ITGBL1: variants seen among roughly 807,000 people sequenced by gnomAD.
ITGBL1 encodes the protein integrin beta-like protein 1.
Under a neutral mutation model 68.5 loss-of-function variants are expected in ITGBL1, and 51 were observed. The observed-to-expected ratio is 0.74, with a 90% CI of 0.59 to 0.94. The LOEUF is 0.94. Among genes scored for constraint, ITGBL1 ranks in the 40% least tolerant of loss-of-function variants. The pLI, the probability that ITGBL1 is intolerant of heterozygous loss-of-function variation, is 0.00. For missense variants in ITGBL1, 649 were observed against 647.4 expected, an observed-to-expected ratio of 1.00 and a Z score of -0.03; for synonymous variants, 209 against 227.3, an observed-to-expected ratio of 0.92 and a Z score of 0.72.
At chr13:101,453,635 C>T (rs941566346) in intron 1 of ITGBL1, among the ~76,000 whole-genome samples, 5 of 152,174 alleles carry the variant, frequency 3.3e-5, no homozygotes, top group African/African-American at 9.7e-5. Context: ...GACCTGTGTC[C>T]GGGGGCAGGT....
chr13:101,517,367 A>G (rs1044489427), intron 2 of ITGBL1, among the ~76,000 whole-genome samples: 4 of 152,216 alleles, frequency 2.6e-5, no homozygotes, highest in African/African-American at 9.6e-5. Context: ...AAAATAAAAT[A>G]TAAAATTTAA....
intron 7 of ITGBL1, among the ~76,000 whole-genome samples, chr13:101,610,727 A>G (rs138051039): frequency 1.4e-4 from 21 of 152,254 alleles, no homozygotes; most frequent in African/African-American, 4.8e-4. Context: ...AGCCTGAAAT[A>G]TTTCTCATGC....
intron 3 of ITGBL1, among the ~76,000 whole-genome samples, chr13:101,572,856 C>G (rs1283798667): frequency 2.0e-5 from 3 of 151,972 alleles, no homozygotes; most frequent in Non-Finnish European, 2.9e-5. Context: ...CAGTCCTAAC[C>G]AAGTGACTTC....
chr13:101,605,812 A>G (rs1214476910), intron 7 of ITGBL1, among the ~76,000 whole-genome samples: 4 of 151,042 alleles, frequency 2.6e-5, no homozygotes, highest in African/African-American at 9.7e-5. Flanking sequence ...GTGTGTAGAC[A>G]TGTATGTGCA....
At chr13:101,467,716 G>T (rs1255876288) in intron 2 of ITGBL1, among the ~76,000 whole-genome samples, 2 of 152,074 alleles carry the variant, frequency 1.3e-5, no homozygotes, top group African/African-American at 4.8e-5. Context: ...CCCACTCTTA[G>T]GTTATACGAT....
chr13:101,706,935 C>T, intron 9 of ITGBL1, 33 bp downstream of exon 9: 1 of 1,600,554 alleles, frequency 6.2e-7, no homozygotes, highest in Non-Finnish European at 8.5e-7. Flanking sequence ...GGACTCCATT[C>T]CTGTTCTGAC....
At chr13:101,524,189 A>G (rs1010283471) in intron 2 of ITGBL1, among the ~76,000 whole-genome samples, 3 of 150,978 alleles carry the variant, frequency 2.0e-5, no homozygotes, top group African/African-American at 7.3e-5. Flanking sequence ...TTATTCTGGC[A>G]GAAGGTTGAA....
At chr13:101,692,551 C>A (rs375121521) in intron 7 of ITGBL1, 34 bp from the exon 8 acceptor site, 1 of 1,421,032 alleles carries the variant, frequency 7.0e-7, no homozygotes, top group Non-Finnish European at 1.0e-6. Flanking sequence ...CCGGGACTCT[C>A]CTCATAAGTG....
chr13:101,500,887 A>C (rs1270584858), intron 2 of ITGBL1, among the ~76,000 whole-genome samples: 1 of 152,212 alleles, frequency 6.6e-6, no homozygotes, highest in Non-Finnish European at 1.5e-5. Context: ...TTTCAGGACA[A>C]AAGCAAATTA....
chr13:101,718,847 A>AC (rs978393134), downstream of ITGBL1: 5 of 151,966 alleles, frequency 3.3e-5, no homozygotes, highest in Admixed American at 2.6e-4. Context: ...ACACTTTGAA[A>AC]CCCTACTCCA....
intron 7 of ITGBL1, among the ~76,000 whole-genome samples, chr13:101,662,584 T>G (rs1013943156): frequency 6.6e-6 from 1 of 152,138 alleles, no homozygotes; most frequent in African/African-American, 2.4e-5. Flanking sequence ...CTCCCTCCCT[T>G]TCTCTTTACT....
chr13:101,636,443 T>C (rs16951701), intron 7 of ITGBL1, among the ~76,000 whole-genome samples: 18,689 of 152,160 alleles, frequency 0.12, 1,659 homozygotes, highest in African/African-American at 0.25. Context: ...ACAGGAGGAA[T>C]TGGCACTCTG....
At chr13:101,639,946 A>G (rs2032307962) in intron 7 of ITGBL1, among the ~76,000 whole-genome samples, 1 of 152,164 alleles carries the variant, frequency 6.6e-6, no homozygotes, top group Non-Finnish European at 1.5e-5. Context: ...TGAAAGTTAA[A>G]TACTATTTTT....
Position 101,663,030 on chromosome 13 carries a change from G to GTT in ITGBL1, c.1016-29553_1016-29552dup, listed in dbSNP as rs2033126954. 2.6e-5 allele frequency among the ~76,000 whole-genome samples: 4 copies of GTT among 152,174 alleles called. No individual in the cohort carries two copies. The South Asian group carries it at 8.3e-4, about 32-fold the overall frequency. ...TAACTACTAGTGAATGGCAGAAGGT[G>GTT]TTTCTCTATCCTAGCTTCTTTAGGG... On this transcript the variant is annotated intron_variant, in intron 7 of 10. Coordinates refer to ENST00000376180, the MANE Select transcript of ITGBL1 (RefSeq NM_004791.3).
At chr13:101,671,913 C>T (rs2033388386) in intron 7 of ITGBL1, among the ~76,000 whole-genome samples, 2 of 152,008 alleles carry the variant, frequency 1.3e-5, no homozygotes, top group Admixed American at 1.3e-4. Context: ...GAAATATTGG[C>T]TATATTACAA....
intron 7 of ITGBL1, among the ~76,000 whole-genome samples, chr13:101,645,316 C>G (rs2032523544): frequency 6.6e-6 from 1 of 152,132 alleles, no homozygotes; most frequent in Non-Finnish European, 1.5e-5. Context: ...ATTGCTTATT[C>G]TTTAAGTAAA....
At chr13:101,566,980 AC>A (rs2050192326) in intron 2 of ITGBL1, among the ~76,000 whole-genome samples, 1 of 152,170 alleles carries the variant, frequency 6.6e-6, no homozygotes, top group Admixed American at 6.6e-5. Flanking sequence ...GAGGACAAGG[AC>A]CAAGTACTGC....
intron 2 of ITGBL1, among the ~76,000 whole-genome samples, chr13:101,487,331 A>G (rs10851133): frequency 0.25 from 37,559 of 152,010 alleles, 5,270 homozygotes; most frequent in East Asian, 0.51. Context: ...GTGACCTAAA[A>G]TAATACCAAA....
intron 2 of ITGBL1, among the ~76,000 whole-genome samples, chr13:101,528,715 C>G (rs2049423377): frequency 6.6e-6 from 1 of 151,836 alleles, no homozygotes; most frequent in Admixed American, 6.6e-5. Flanking sequence ...TTAAGTAGTT[C>G]TTAAAATGAA....
Sources: allele counts gnomAD v4.1 joint callset (sites outside exome capture counted in the v4.1 genomes callset), GRCh38; gene constraint gnomAD v4.1.1; transcripts MANE v1.5; gene names NCBI Gene and HGNC (gene_info 2026-07-23, HGNC 2026-07-21).